Variants in RGPD2 observed in about 807,000 individuals in gnomAD.
The protein encoded by RGPD2 is RANBP2-like and GRIP domain-containing protein 2.
RGPD2 carries 2 observed loss-of-function variants against 36.0 expected under a neutral mutation model. The observed-to-expected ratio is 0.06, with a 90% CI of 0.02 to 0.17. The LOEUF (loss-of-function observed/expected upper bound fraction) is 0.17. Among genes scored for constraint, RGPD2 ranks in the 10% least tolerant of loss-of-function variants. The pLI, the probability that RGPD2 is intolerant of heterozygous loss-of-function variation, is 1.00. For synonymous variants in RGPD2, 19 were observed against 163.8 expected (o/e 0.12, Z 6.75); for missense variants, 40 against 464.3 (o/e 0.09, Z 8.40).
intron 18 of RGPD2, among the ~76,000 whole-genome samples, chr2:87,785,893 GA>G (rs1685585930): frequency 6.6e-6 from 1 of 152,146 alleles, no homozygotes; most frequent in African/African-American, 2.4e-5. Flanking sequence ...CATGGAAGAA[GA>G]AACAGAAACT....
the RGPD2 span, among the ~76,000 whole-genome samples, chr2:87,920,278 G>GA: frequency 2.0e-5 from 3 of 151,656 alleles, no homozygotes; most frequent in African/African-American, 4.8e-5. Context: ...CTCAAGTGGG[G>GA]AAAAAAAGCA....
chr2:87,878,926 T>A, the RGPD2 span, among the ~76,000 whole-genome samples: 10 of 152,374 alleles, frequency 6.6e-5, no homozygotes, highest in Admixed American at 2.6e-4. Flanking sequence ...TCTTAATGAC[T>A]GAATCGTATT....
At chr2:87,859,678 C>T in the RGPD2 span, among the ~76,000 whole-genome samples, 1 of 152,196 alleles carries the variant, frequency 6.6e-6, no homozygotes, top group Non-Finnish European at 1.5e-5. Flanking sequence ...GAAGTTATTT[C>T]GCTGAGATCA....
At chr2:87,917,990 T>C in the RGPD2 span, among the ~76,000 whole-genome samples, 1 of 116,680 alleles carries the variant, frequency 8.6e-6, no homozygotes, top group Non-Finnish European at 1.7e-5. Context: ...TTTGTTTTTC[T>C]ACTTTTCACA....
At chr2:87,940,302 A>G in the RGPD2 span, among the ~76,000 whole-genome samples, 1 of 151,834 alleles carries the variant, frequency 6.6e-6, no homozygotes, top group Non-Finnish European at 1.5e-5. Context: ...AGTATTAGGA[A>G]CTTAGCATCC....
the RGPD2 span, among the ~76,000 whole-genome samples, chr2:87,909,175 G>A: frequency 6.6e-6 from 1 of 152,244 alleles, no homozygotes; most frequent in South Asian, 2.1e-4. Context: ...AATGTAGATT[G>A]TGTAAACATC....
the RGPD2 span, among the ~76,000 whole-genome samples, chr2:87,915,648 A>T: frequency 6.8e-6 from 1 of 147,074 alleles, no homozygotes; most frequent in African/African-American, 2.5e-5. Flanking sequence ...ATATATACAC[A>T]TATATATGTG....
chr2:87,867,797 AT>A, the RGPD2 span, among the ~76,000 whole-genome samples: 2 of 145,062 alleles, frequency 1.4e-5, no homozygotes, highest in Non-Finnish European at 3.0e-5. Flanking sequence ...ATAATATTAT[AT>A]ATTATAAAAT....
At chr2:87,922,077 A>G in the RGPD2 span, among the ~76,000 whole-genome samples, 1 of 151,612 alleles carries the variant, frequency 6.6e-6, no homozygotes, top group African/African-American at 2.4e-5. Context: ...GCGGATCACA[A>G]GGTCAGTAGT....
the RGPD2 span, among the ~76,000 whole-genome samples, chr2:87,873,048 G>A: frequency 4.6e-5 from 7 of 152,356 alleles, no homozygotes; most frequent in Non-Finnish European, 7.3e-5. Flanking sequence ...ATGAGCCACC[G>A]TGCCTGGCCC....
At chr2:87,848,953 G>A in the RGPD2 span, among the ~76,000 whole-genome samples, 1 of 150,126 alleles carries the variant, frequency 6.7e-6, no homozygotes, top group Non-Finnish European at 1.5e-5. Flanking sequence ...TACTTTCTCA[G>A]AGACCTATGA....
chr2:87,960,063 TG>T, the RGPD2 span, among the ~76,000 whole-genome samples: 1 of 52,074 alleles, frequency 1.9e-5, no homozygotes, highest in South Asian at 1.1e-3. Flanking sequence ...TTGGGGGGGC[TG>T]GGGGGCATAC....
the RGPD2 span, among the ~76,000 whole-genome samples, chr2:87,962,457 C>T: frequency 2.6e-5 from 4 of 151,888 alleles, no homozygotes; most frequent in African/African-American, 9.7e-5. Flanking sequence ...TTATTTCAAC[C>T]ATATTGGATG....
chr2:87,905,605 G>T, the RGPD2 span, among the ~76,000 whole-genome samples: 7 of 151,598 alleles, frequency 4.6e-5, no homozygotes, highest in Admixed American at 3.9e-4. Flanking sequence ...TACCAATTCC[G>T]ATGATGAGGA....
At chr2:87,831,539 A>G in the RGPD2 span, among the ~76,000 whole-genome samples, 6 of 151,608 alleles carry the variant, frequency 4.0e-5, no homozygotes, top group East Asian at 3.9e-4. Flanking sequence ...GTGAAAAAAC[A>G]TATCTTAAAA....
At chr2:87,916,900 G>A in the RGPD2 span, among the ~76,000 whole-genome samples, 1 of 151,976 alleles carries the variant, frequency 6.6e-6, no homozygotes, top group Non-Finnish European at 1.5e-5. Context: ...TATTTAAAAT[G>A]TCAGAAGAAA....
At chr2:87,966,424 G>A in the RGPD2 span, among the ~76,000 whole-genome samples, 1 of 147,784 alleles carries the variant, frequency 6.8e-6, no homozygotes, top group Admixed American at 6.9e-5. Flanking sequence ...GTGAAAATAG[G>A]GGAGGGGATT....
the RGPD2 span, among the ~76,000 whole-genome samples, chr2:87,867,720 A>C: frequency 6.6e-6 from 1 of 151,276 alleles, no homozygotes; most frequent in Admixed American, 6.6e-5. Flanking sequence ...AGAATTTAAC[A>C]AGCATTGTTT....
the RGPD2 span, among the ~76,000 whole-genome samples, chr2:87,944,669 G>T: frequency 3.6e-5 from 4 of 111,040 alleles, no homozygotes; most frequent in East Asian, 2.5e-4. Flanking sequence ...AGAAATCAAA[G>T]ATATTTTCCA....
Sources: gnomAD v4.1 joint callset for allele counts (sites outside exome capture counted in the v4.1 genomes callset) on GRCh38, gnomAD v4.1.1 for gene constraint, MANE v1.5 for transcripts, NCBI Gene and HGNC (gene_info 2026-07-23, HGNC 2026-07-21) for gene names.